Variants in ADAMTSL1 observed in about 807,000 individuals in gnomAD.
ADAMTSL1 encodes ADAMTS like 1.
Under a neutral mutation model 201.8 loss-of-function variants are expected in ADAMTSL1, and 126 were observed. The ratio of observed to expected loss-of-function variants is 0.62; its 90% CI spans 0.54 to 0.72. The LOEUF (loss-of-function observed/expected upper bound fraction) is 0.72, where lower values mean the gene tolerates loss of function less well. Among genes scored for constraint, ADAMTSL1 ranks in the 30% least tolerant of loss-of-function variants. ADAMTSL1 has a pLI of 0.00. For missense variants in ADAMTSL1, 2,679 were observed against 2,277.8 expected (o/e 1.18, Z -3.59); for synonymous variants, 1,121 against 903.4 (o/e 1.24, Z -4.32).
At chr9:17,952,805 G>A (rs1195980412) in intron 1 of ADAMTSL1, among the ~76,000 whole-genome samples, 1 of 152,142 alleles carries the variant, frequency 6.6e-6, no homozygotes, top group African/African-American at 2.4e-5. Context: ...GGGCTTACAG[G>A]CATGAGCCAC....
chr9:18,587,206 C>A (rs7867475), intron 4 of ADAMTSL1, among the ~76,000 whole-genome samples: 48,561 of 152,018 alleles, frequency 0.32, 8,197 homozygotes, highest in East Asian at 0.52. Flanking sequence ...ATGCAACTGA[C>A]AAACGTCTAT....
At chr9:18,322,766 T>TA (rs1834677755) in intron 2 of ADAMTSL1, among the ~76,000 whole-genome samples, 1 of 152,094 alleles carries the variant, frequency 6.6e-6, no homozygotes, top group African/African-American at 2.4e-5. Flanking sequence ...CCATAGATAG[T>TA]AAAATGATAA....
At chr9:18,261,090 TG>T (rs1831904717) in intron 2 of ADAMTSL1, among the ~76,000 whole-genome samples, 1 of 41,964 alleles carries the variant, frequency 2.4e-5, no homozygotes, top group Admixed American at 3.4e-4. Context: ...GGGCGGGGGG[TG>T]GGGGAAGATA....
At chr9:18,850,291 A>G (rs927067367) in intron 23 of ADAMTSL1, among the ~76,000 whole-genome samples, 1 of 152,242 alleles carries the variant, frequency 6.6e-6, no homozygotes, top group Non-Finnish European at 1.5e-5. Context: ...TGAAATAGAC[A>G]GGGATTGAAA....
chr9:18,870,232 A>G (rs944185887), intron 23 of ADAMTSL1, among the ~76,000 whole-genome samples: 1 of 152,182 alleles, frequency 6.6e-6, no homozygotes, highest in Non-Finnish European at 1.5e-5. Flanking sequence ...TTCTGTTGAC[A>G]GCTCTTTTGC....
chr9:18,264,527 GC>G (rs2132547905), intron 2 of ADAMTSL1, among the ~76,000 whole-genome samples: 1 of 152,248 alleles, frequency 6.6e-6, no homozygotes, highest in South Asian at 2.1e-4. Context: ...GAAGTCAAAA[GC>G]CACAGGCACT....
intron 13 of ADAMTSL1, among the ~76,000 whole-genome samples, chr9:18,701,653 G>A (rs1831929108): frequency 6.6e-6 from 1 of 152,042 alleles, no homozygotes; most frequent in Admixed American, 6.6e-5. Flanking sequence ...ACCTCTATTG[G>A]CTCATGGCTT....
At position 18,824,771 on chromosome 9, in the gene ADAMTSL1, C is replaced by T. The variant is rs557212511; in HGVS notation, c.3935-1513C>T. ...GGAGTGCAGTGAGGTGATCTCGGCT[C>T]ACTGCAACCTCTGCCTCCCAAGTTC... On this transcript the variant is annotated intron_variant, in intron 21 of 28. Transcript: ENST00000380548. Among the ~76,000 whole-genome samples, 9 of 136,220 alleles carry T rather than the reference C, an allele frequency of 6.6e-5. No homozygotes were observed. In the South Asian group the frequency reaches 2.2e-3, roughly 33 times the overall value. 89.4% of individuals were successfully genotyped at this position (136,220 alleles called of 152,430 possible).
rs561036992 is a variant in ADAMTSL1, at chr9:18,443,218, C to CA, written c.208-61609dup. On this transcript the variant is annotated intron_variant, in intron 2 of 29. Transcript: ENST00000680146. ...CACACTCTAGGCCACATAACTGGGT[C>CA]AATACTAAAGTTGTAATTTCATCTT... Among the ~76,000 whole-genome samples, 963 of 152,272 alleles carry CA rather than the reference C, an allele frequency of 6.3e-3. 3 individuals are homozygous for CA. Among genetic ancestry groups the CA allele is most frequent in the Middle Eastern group, 0.01 (3 of 294 alleles).
At chr9:18,103,373 C>T (rs1824616656) in intron 1 of ADAMTSL1, among the ~76,000 whole-genome samples, 1 of 151,994 alleles carries the variant, frequency 6.6e-6, no homozygotes, top group Admixed American at 6.6e-5. Flanking sequence ...ATACTTATAA[C>T]GATGTTTTCT....
chr9:18,887,805 G>C, intron 23 of ADAMTSL1, 26 bp from the exon 24 acceptor site: 6 of 1,596,854 alleles, frequency 3.8e-6, no homozygotes, highest in Non-Finnish European at 5.1e-6. Context: ...CTTTACTAAG[G>C]CTTACTTCTT....
intron 2 of ADAMTSL1, among the ~76,000 whole-genome samples, chr9:18,519,278 G>C (rs943589866): frequency 2.6e-5 from 4 of 152,196 alleles, no homozygotes; most frequent in Non-Finnish European, 5.9e-5. Context: ...GCCTTGCACA[G>C]AGTAGGTATC....
At chr9:18,623,213 G>A (rs776794904) in intron 5 of ADAMTSL1, among the ~76,000 whole-genome samples, 133 of 150,210 alleles carry the variant, frequency 8.9e-4, no homozygotes, top group Non-Finnish European at 1.6e-3. Flanking sequence ...GCTTTTTATT[G>A]ACCTTTGTGT....
At chr9:17,991,394 A>C (rs1819143631) in intron 1 of ADAMTSL1, among the ~76,000 whole-genome samples, 1 of 152,144 alleles carries the variant, frequency 6.6e-6, no homozygotes, top group South Asian at 2.1e-4. Flanking sequence ...TGGGTCTGAA[A>C]AGTACCTGGT....
intron 15 of ADAMTSL1, among the ~76,000 whole-genome samples, chr9:18,741,467 G>A (rs1479317812): frequency 6.6e-6 from 1 of 152,198 alleles, no homozygotes; most frequent in African/African-American, 2.4e-5. Flanking sequence ...CATTTCACTT[G>A]TAGAGAAAAC....
chr9:17,968,891 A>AT (rs1394622352), intron 1 of ADAMTSL1, among the ~76,000 whole-genome samples: 2 of 151,890 alleles, frequency 1.3e-5, no homozygotes, highest in African/African-American at 2.4e-5. Flanking sequence ...GTATCTAGGG[A>AT]TTTTTTCCTA....
At chr9:18,382,182 T>C (rs1039243274) in intron 2 of ADAMTSL1, among the ~76,000 whole-genome samples, 1 of 152,162 alleles carries the variant, frequency 6.6e-6, no homozygotes, top group African/African-American at 2.4e-5. Context: ...TAAAACCACT[T>C]ACCGTGATTA....
chr9:18,519,151 C>G (rs764579167), intron 2 of ADAMTSL1, among the ~76,000 whole-genome samples: 1 of 152,168 alleles, frequency 6.6e-6, no homozygotes, highest in Non-Finnish European at 1.5e-5. Flanking sequence ...TTTGCATCAC[C>G]TTTAATTCAC....
chr9:18,568,022 T>A (rs1002949202), intron 3 of ADAMTSL1, among the ~76,000 whole-genome samples: 2 of 152,192 alleles, frequency 1.3e-5, no homozygotes, highest in Non-Finnish European at 1.5e-5. Context: ...GTGAATGTGA[T>A]CTCTCTTTCA....
Sources: gnomAD v4.1 joint callset for allele counts (sites outside exome capture counted in the v4.1 genomes callset) on GRCh38, gnomAD v4.1.1 for gene constraint, MANE v1.5 for transcripts, NCBI Gene and HGNC (gene_info 2026-07-23, HGNC 2026-07-21) for gene names.